The following ZRSR2 variants were observed in gnomAD, a reference collection of about 807,000 sequenced individuals.
The protein encoded by ZRSR2 is U2 small nuclear ribonucleoprotein auxiliary factor 35 kDa subunit-related protein 2.
ZRSR2 carries 3 observed loss-of-function variants against 39.4 expected under a neutral mutation model. That is an observed-to-expected ratio of 0.08 (90% CI 0.03 to 0.20). ZRSR2 has a LOEUF of 0.20. Ranked by LOEUF, ZRSR2 falls within the 10% of genes least tolerant of loss-of-function variation. The pLI is 1.00. For missense variants in ZRSR2, 256 were observed against 391.5 expected (o/e 0.65, Z 2.92); for synonymous variants, 137 against 136.0 (o/e 1.01, Z -0.05).
chrX:15,814,475 A>G (rs1254561902), intron 7 of ZRSR2, among the ~76,000 whole-genome samples: 13 of 111,445 alleles, frequency 1.2e-4, no homozygotes. Context: ...CAAAAATAAA[A>G]TTATCCGGGT....
chrX:15,794,392 T>C, intron 2 of ZRSR2, among the ~76,000 whole-genome samples: 1 of 110,932 alleles, frequency 9.0e-6, no homozygotes, highest in Admixed American at 9.7e-5. Flanking sequence ...AAACTTACTA[T>C]TAAGTGCCTG....
In ZRSR2 at chrX:15,819,252, G is replaced by A. The variant is rs995871385; in HGVS notation, c.827+610G>A. On this transcript the variant is annotated intron_variant, in intron 9 of 10. Transcript: ENST00000307771. ...TTTTGGAGGCTGAAGTGGGAGGATT[G>A]CTTGAGGCCAGGAGTTCAAGACCAG... Among the ~76,000 whole-genome samples the A allele has an allele frequency of 8.2e-5, 9 of 109,600 alleles. No individual in the cohort carries two copies. In the East Asian group the frequency reaches 2.6e-3, roughly 32 times the overall value.
At chrX:15,791,720 G>A (rs1330010343) in intron 2 of ZRSR2, among the ~76,000 whole-genome samples, 1 of 98,826 alleles carries the variant, frequency 1.0e-5, no homozygotes, top group Non-Finnish European at 2.0e-5. Context: ...GCAGTGGCAC[G>A]ATCTTGGCTC....
chrX:15,797,083 C>T (rs964134311), intron 2 of ZRSR2, among the ~76,000 whole-genome samples: 24 of 110,148 alleles, frequency 2.2e-4, no homozygotes, highest in African/African-American at 6.3e-4. Context: ...CATGAGCCAC[C>T]GCTCCCTGGC....
At chrX:15,796,833 G>A (rs1431131830) in intron 2 of ZRSR2, among the ~76,000 whole-genome samples, 1 of 76,944 alleles carries the variant, frequency 1.3e-5, no homozygotes, top group African/African-American at 5.3e-5. Context: ...TCGCTCTGTC[G>A]CCCAGGCTAG....
chrX:15,815,854 C>G lies in ZRSR2; in HGVS notation c.735C>G (p.Pro245=), dbSNP rs753833688. 2.5e-6 allele frequency: 3 copies of G among 1,206,612 alleles called. No individual in the cohort carries two copies. The highest frequency in any genetic ancestry group is 2.2e-6 in the Non-Finnish European group (2 of 893,811). Residue 245 remains proline (P), a synonymous_variant, in exon 8 of 11, where the codon CCC becomes CCG. Transcript: ENST00000307771. ...TAGACTTCTATGAGGATGTGTTGCCCGAGTTCAAGAACGTGGGGAAAGTGA... is the reference window on the plus strand; with the variant it reads ...TAGACTTCTATGAGGATGTGTTGCCGGAGTTCAAGAACGTGGGGAAAGTGA... ...QFLDFYEDVL[P]EFKNVGKVIQ... is the part of the protein sequence containing the mutation.
chrX:15,796,056 T>G (rs1601807081), intron 2 of ZRSR2, among the ~76,000 whole-genome samples: 1 of 107,904 alleles, frequency 9.3e-6, no homozygotes, highest in South Asian at 4.0e-4. Context: ...TGAGATGGAG[T>G]CTTGCTCTGT....
At chrX:15,790,660 C>T (rs1470805496) in intron 1 of ZRSR2, 124 bp downstream of exon 1, 4 of 974,049 alleles carry the variant, frequency 4.1e-6, no homozygotes, top group Non-Finnish European at 5.6e-6. Flanking sequence ...TCCATTCCTT[C>T]CTGGTGCGCG....
chrX:15,791,085 C>A, intron 2 of ZRSR2, 72 bp downstream of exon 2: 1 of 971,806 alleles, frequency 1.0e-6, no homozygotes, highest in Non-Finnish European at 1.5e-6. Context: ...CTTGAAGCCC[C>A]AGTGTCAGAA....
At chrX:15,817,225 C>T (rs183656147) in intron 8 of ZRSR2, among the ~76,000 whole-genome samples, 1 of 111,921 alleles carries the variant, frequency 8.9e-6, no homozygotes, top group Non-Finnish European at 1.9e-5. Flanking sequence ...ACCACAACCA[C>T]CACAACGTAT....
chrX:15,819,185 A>C (rs1933042622), intron 9 of ZRSR2, among the ~76,000 whole-genome samples: 1 of 111,458 alleles, frequency 9.0e-6, no homozygotes, highest in African/African-American at 3.3e-5. Context: ...TGTGAAAATA[A>C]TATAAGCCGG....
chrX:15,807,688 T>C (rs1338108244), intron 5 of ZRSR2, among the ~76,000 whole-genome samples: 2 of 111,571 alleles, frequency 1.8e-5, no homozygotes, highest in African/African-American at 6.5e-5. Flanking sequence ...GAAACTATTA[T>C]AAGACTATTT....
chrX:15,815,965 C>CCG, intron 8 of ZRSR2, 75 bp downstream of exon 8: 1 of 905,692 alleles, frequency 1.1e-6, no homozygotes, highest in Non-Finnish European at 1.5e-6. Flanking sequence ...AGCTGGGACA[C>CCG]AGGCTCAGCT....
At chrX:15,790,651 C>CCATT in intron 1 of ZRSR2, 115 bp downstream of exon 1, 2 of 1,011,659 alleles carry the variant, frequency 2.0e-6, no homozygotes, top group Non-Finnish European at 2.7e-6. Flanking sequence ...CGCGGCAGCT[C>CCATT]CATTCCTTCC....
intron 2 of ZRSR2, among the ~76,000 whole-genome samples, chrX:15,791,269 C>G (rs1453376448): frequency 3.4e-4 from 38 of 111,984 alleles, no homozygotes; most frequent in Non-Finnish European, 1.1e-4. Context: ...ATTACAGTTG[C>G]AAGCTTCATG....
At chrX:15,808,153 T>G in intron 5 of ZRSR2, 80 bp from the exon 6 acceptor site, 132 of 861,275 alleles carry the variant, frequency 1.5e-4, no homozygotes, top group Non-Finnish European at 2.1e-4. Context: ...TTGTTCCACT[T>G]GAGATTCTTA....
At chrX:15,803,980 T>G in intron 4 of ZRSR2, 131 bp from the exon 5 acceptor site, 1 of 980,300 alleles carries the variant, frequency 1.0e-6, no homozygotes, top group Non-Finnish European at 1.3e-6. Flanking sequence ...TATCTTGAAC[T>G]TAAAAAAAAA....
Position 15,804,128 on chromosome X carries a change from A to G in ZRSR2, c.330A>G (p.Gln110=), listed in dbSNP as rs759624382. The G allele has an allele frequency of 5.9e-6, 7 of 1,186,661 alleles. No homozygotes were observed. In the East Asian group the frequency reaches 2.1e-4, roughly 36 times the overall value. ...CTTTAAAGAGAAAGTTAAAGGAACAATGGGAAGAACAGCAGAGGAAAGAGA... is the reference window on the plus strand; with the variant it reads ...CTTTAAAGAGAAAGTTAAAGGAACAGTGGGAAGAACAGCAGAGGAAAGAGA... ...QEEQERKLKE[Q]WEEQQRKERE... is the part of the protein sequence containing the mutation. Residue 110 remains glutamine (Q), a synonymous_variant, in exon 5 of 11, where the codon CAA becomes CAG. Coordinates refer to ENST00000307771, the MANE Select transcript of ZRSR2 (RefSeq NM_005089.4).
chrX:15,819,492 A>G (rs185872880), intron 9 of ZRSR2, among the ~76,000 whole-genome samples: 1 of 110,773 alleles, frequency 9.0e-6, no homozygotes, highest in African/African-American at 3.3e-5. Context: ...CAGGAGGATC[A>G]CTTGAGCCCA....
Sources: allele counts gnomAD v4.1 joint callset (sites outside exome capture counted in the v4.1 genomes callset), GRCh38; gene constraint gnomAD v4.1.1; transcripts MANE v1.5; gene names NCBI Gene and HGNC (gene_info 2026-07-23, HGNC 2026-07-21).